CACNA1C: variants seen among roughly 807,000 people sequenced by gnomAD.
CACNA1C encodes calcium voltage-gated channel subunit alpha1 C.
CACNA1C carries 30 observed loss-of-function variants against 229.0 expected under a neutral mutation model. The observed-to-expected ratio is 0.13, with a 90% CI of 0.10 to 0.18. CACNA1C has a LOEUF of 0.18. Among genes scored for constraint, CACNA1C ranks in the 10% least tolerant of loss-of-function variants. CACNA1C has a pLI of 1.00. For missense variants in CACNA1C, 1,658 were observed against 2,845.0 expected, an observed-to-expected ratio of 0.58 and a Z score of 9.49; for synonymous variants, 1,114 against 1,132.5, an observed-to-expected ratio of 0.98 and a Z score of 0.33.
chr12:2,041,523 G>A (rs1440158348), intron 1 of CACNA1C, among the ~76,000 whole-genome samples: 4 of 152,062 alleles, frequency 2.6e-5, no homozygotes, highest in Admixed American at 6.5e-5. Flanking sequence ...TGATCTGCCC[G>A]CCTCGGCCTC....
Position 2,067,481 on chromosome 12 carries a change from T to TGTGTGC in CACNA1C, c.49+13871_49+13872insTGTGCG, listed in dbSNP as rs3085990. Among the ~76,000 whole-genome samples, 9,103 of 140,684 alleles carry TGTGTGC rather than the reference T, an allele frequency of 0.065. 332 individuals are homozygous for TGTGTGC. The highest frequency in any genetic ancestry group is 0.1 in the South Asian group (442 of 4,350). 92.3% of individuals were successfully genotyped at this position (140,684 alleles called of 152,430 possible). A position where few individuals can be genotyped will look rare whatever the true frequency, so the allele number is the denominator to read the frequency against. ...GTGTGTGTGTGTGTGTGTGTGTGTG[T>TGTGTGC]GCGCGCGTGTGCGTGCCTGTATGTA... is the stretch of plus-strand genomic sequence containing the variant. On this transcript the variant is annotated intron_variant, in intron 1 of 46. Coordinates refer to ENST00000399655, the MANE Select transcript of CACNA1C (RefSeq NM_000719.7). The surrounding 1 kb of genome is among the most constrained non-coding windows in gnomAD (Gnocchi z 5.3).
At chr12:2,384,619 T>G (rs569874911) in intron 3 of CACNA1C, among the ~76,000 whole-genome samples, 2 of 152,220 alleles carry the variant, frequency 1.3e-5, no homozygotes, top group East Asian at 1.9e-4. Flanking sequence ...CCCTGCACTT[T>G]TCCTTCTCTG....
At chr12:2,439,635 G>A (rs779604587) in intron 3 of CACNA1C, among the ~76,000 whole-genome samples, 1 of 152,084 alleles carries the variant, frequency 6.6e-6, no homozygotes, top group Non-Finnish European at 1.5e-5. Context: ...AAGCATACTC[G>A]CAAGAAACTG....
At chr12:2,077,631 T>G (rs193020961) in intron 1 of CACNA1C, among the ~76,000 whole-genome samples, 4 of 152,190 alleles carry the variant, frequency 2.6e-5, no homozygotes, top group Non-Finnish European at 4.4e-5. Flanking sequence ...CCATAGAAGT[T>G]TGGAGCTGGA....
intron 13 of CACNA1C, among the ~76,000 whole-genome samples, chr12:2,579,276 C>T (rs2059689409): frequency 1.3e-5 from 2 of 152,156 alleles, no homozygotes; most frequent in Admixed American, 1.3e-4. Flanking sequence ...AAGGCTTTTC[C>T]AGAATCTTCC....
At chr12:2,660,962 A>C (rs2095687165) in intron 34 of CACNA1C, 1 of 152,148 alleles carries the variant, frequency 6.6e-6, no homozygotes, top group Non-Finnish European at 1.5e-5. Flanking sequence ...TGAGTCTATC[A>C]AAAATAAGAT....
At chr12:2,434,763 G>A (rs1254971501) in intron 3 of CACNA1C, among the ~76,000 whole-genome samples, 2 of 152,172 alleles carry the variant, frequency 1.3e-5, no homozygotes, top group Admixed American at 1.3e-4. Context: ...GGCCACGTTT[G>A]ATAGTCCCCG....
intron 1 of CACNA1C, among the ~76,000 whole-genome samples, chr12:2,041,511 C>T (rs1193106523): frequency 6.6e-6 from 1 of 151,914 alleles, no homozygotes; most frequent in Non-Finnish European, 1.5e-5. Flanking sequence ...CTCCTGACCT[C>T]GTGATCTGCC....
At chr12:2,612,297 G>T in intron 29 of CACNA1C, 1 of 364,270 alleles carries the variant, frequency 2.7e-6, no homozygotes, top group Non-Finnish European at 5.1e-6. Flanking sequence ...AGGAGAGGCA[G>T]GTGATGGTCT....
At chr12:2,617,943 G>A (rs2081435805) in intron 29 of CACNA1C, among the ~76,000 whole-genome samples, 1 of 152,222 alleles carries the variant, frequency 6.6e-6, no homozygotes, top group South Asian at 2.1e-4. Flanking sequence ...TTTAGATTTA[G>A]CATCTGGCCT....
chr12:2,560,440 T>C (rs1445074092), intron 11 of CACNA1C, among the ~76,000 whole-genome samples: 1 of 152,210 alleles, frequency 6.6e-6, no homozygotes, highest in Non-Finnish European at 1.5e-5. Context: ...ATTACAGCCA[T>C]AGTGGAGGAT....
At chr12:2,264,253 C>A (rs1212531154) in intron 3 of CACNA1C, among the ~76,000 whole-genome samples, 6 of 152,210 alleles carry the variant, frequency 3.9e-5, no homozygotes. Context: ...CTCCAGGGGG[C>A]TCTCAAAGAG....
At chr12:2,155,058 A>G (rs1176028551) in intron 3 of CACNA1C, among the ~76,000 whole-genome samples, 1 of 152,112 alleles carries the variant, frequency 6.6e-6, no homozygotes, top group African/African-American at 2.4e-5. Flanking sequence ...GAATCCTGGC[A>G]TTGTGGGAAG....
chr12:2,508,396 A>T (rs965541910), intron 8 of CACNA1C, among the ~76,000 whole-genome samples: 14 of 152,264 alleles, frequency 9.2e-5, no homozygotes, highest in Admixed American at 7.8e-4. Flanking sequence ...TCATGCCTAT[A>T]ATCCCAGTGT....
chr12:2,509,928 C>T (rs1395408712), intron 8 of CACNA1C, among the ~76,000 whole-genome samples: 1 of 152,158 alleles, frequency 6.6e-6, no homozygotes, highest in African/African-American at 2.4e-5. Context: ...AGTGAGTAGG[C>T]GCATTTGTAG....
At chr12:1,984,645 C>A (rs2037120329) in intron 1 of CACNA1C, among the ~76,000 whole-genome samples, 1 of 151,806 alleles carries the variant, frequency 6.6e-6, no homozygotes. Flanking sequence ...AAAAATAAAT[C>A]TTTTGTAATT....
intron 15 of CACNA1C, among the ~76,000 whole-genome samples, chr12:2,583,539 C>T (rs971372796): frequency 9.9e-5 from 15 of 152,132 alleles, no homozygotes; most frequent in African/African-American, 3.1e-4. Context: ...GAGAGAGTCA[C>T]GTCCAGAGCC....
At chr12:2,598,796 T>A (rs1272763199) in intron 21 of CACNA1C, among the ~76,000 whole-genome samples, 1 of 152,198 alleles carries the variant, frequency 6.6e-6, no homozygotes, top group Non-Finnish European at 1.5e-5. Flanking sequence ...CCTGTGTCCT[T>A]GTCCCCAGGA....
At chr12:2,098,933 A>T (rs1472869528) in intron 1 of CACNA1C, among the ~76,000 whole-genome samples, 1 of 151,998 alleles carries the variant, frequency 6.6e-6, no homozygotes, top group African/African-American at 2.4e-5. Flanking sequence ...AGGCGTGGAG[A>T]GCATGTGTCA....
Sources: allele counts gnomAD v4.1 joint callset (sites outside exome capture counted in the v4.1 genomes callset), GRCh38; gene constraint gnomAD v4.1.1; non-coding constraint Gnocchi (gnomAD v3.1); transcripts MANE v1.5; gene names NCBI Gene and HGNC (gene_info 2026-07-23, HGNC 2026-07-21).